The following OCA2 variants were observed in gnomAD, a reference collection of about 807,000 sequenced individuals.
OCA2 encodes the protein P protein.
OCA2 carries 77 observed loss-of-function variants against 100.2 expected under a neutral mutation model. The observed-to-expected ratio is 0.77, with a 90% CI of 0.64 to 0.93. OCA2 has a LOEUF of 0.93. OCA2 is among the 40% of genes least tolerant of loss of function. The probability of loss-of-function intolerance (pLI) is 0.00; values close to 1 mark genes in which losing one functional copy is unlikely to be tolerated. For missense variants in OCA2, 1,062 were observed against 1,089.1 expected, an observed-to-expected ratio of 0.98 and a Z score of 0.35; for synonymous variants, 432 against 439.2, an observed-to-expected ratio of 0.98 and a Z score of 0.21.
At chr15:27,850,832 C>G (rs1274204363) in intron 22 of OCA2, among the ~76,000 whole-genome samples, 3 of 152,114 alleles carry the variant, frequency 2.0e-5, no homozygotes, top group Non-Finnish European at 4.4e-5. Flanking sequence ...AGAAGGACTC[C>G]CCCGCTGTTC....
Position 28,074,834 on chromosome 15 carries a change from G to A in OCA2, c.227+6814C>T, listed in dbSNP as rs563460706. Among the ~76,000 whole-genome samples, 5 of 152,318 alleles carry A rather than the reference G, an allele frequency of 3.3e-5. No individual in the cohort carries two copies. In the South Asian group the frequency reaches 1.0e-3, roughly 32 times the overall value. On this transcript the variant is annotated intron_variant, in intron 2 of 23. Coordinates refer to ENST00000354638, the MANE Select transcript of OCA2 (RefSeq NM_000275.3). ...GGCACTCCAGCTGGGCACAGAGCGA[G>A]ACTCCGTCTCAAAAAAGAATAGAGA...
chr15:27,899,179 A>C (rs75003109), intron 19 of OCA2, among the ~76,000 whole-genome samples: 1 of 152,300 alleles, frequency 6.6e-6, no homozygotes, highest in East Asian at 1.9e-4. Flanking sequence ...AAGAAGAAAA[A>C]CCATATTATT....
At chr15:27,918,256 G>A (rs1368834172) in intron 19 of OCA2, among the ~76,000 whole-genome samples, 1 of 152,032 alleles carries the variant, frequency 6.6e-6, no homozygotes, top group East Asian at 1.9e-4. Flanking sequence ...ATTTTTAGTA[G>A]AGACAGGGTT....
intron 19 of OCA2, among the ~76,000 whole-genome samples, chr15:27,878,028 T>C (rs1161861088): frequency 6.6e-6 from 1 of 151,230 alleles, no homozygotes; most frequent in Non-Finnish European, 1.5e-5. Flanking sequence ...TTTAATTATA[T>C]TTTAGTACTT....
At chr15:27,738,774 C>T in the OCA2 span, among the ~76,000 whole-genome samples, 2 of 151,388 alleles carry the variant, frequency 1.3e-5, no homozygotes, top group Non-Finnish European at 2.9e-5. Context: ...GCTAAAAATC[C>T]GTATTTCCAG....
intron 18 of OCA2, among the ~76,000 whole-genome samples, chr15:27,948,611 G>A (rs1364641548): frequency 3.3e-5 from 5 of 151,942 alleles, no homozygotes; most frequent in Admixed American, 6.6e-5. Context: ...GACTACAGGC[G>A]TGCACCACCA....
At chr15:27,992,926 C>T (rs1322940726) in intron 9 of OCA2, among the ~76,000 whole-genome samples, 2 of 152,122 alleles carry the variant, frequency 1.3e-5, no homozygotes, top group South Asian at 2.1e-4. Context: ...TGTTCAAGAC[C>T]GGCCTGGCCA....
At chr15:27,937,936 A>T (rs903796364) in intron 18 of OCA2, among the ~76,000 whole-genome samples, 1 of 152,216 alleles carries the variant, frequency 6.6e-6, no homozygotes, top group Admixed American at 6.5e-5. Context: ...TTATCAACCT[A>T]ATCTTTTACC....
intron 19 of OCA2, among the ~76,000 whole-genome samples, chr15:27,904,823 C>T (rs1183202974): frequency 6.6e-6 from 1 of 152,172 alleles, no homozygotes; most frequent in Non-Finnish European, 1.5e-5. Context: ...CCTGTGGCCA[C>T]CACAGCACAG....
intron 2 of OCA2, among the ~76,000 whole-genome samples, chr15:28,070,000 C>T (rs1163838064): frequency 1.8e-5 from 2 of 112,858 alleles, no homozygotes; most frequent in Admixed American, 8.0e-5. Flanking sequence ...AAGTGAGGAG[C>T]GTCTCTGCCC....
At chr15:27,752,517 C>A (rs1463009342), downstream of OCA2, among the ~76,000 whole-genome samples, 1 of 152,126 alleles carries the variant, frequency 6.6e-6, no homozygotes, top group Admixed American at 6.5e-5. Flanking sequence ...TGCTGAGGAG[C>A]AAAACAGTAC....
chr15:28,047,210 C>T (rs2043373105), intron 2 of OCA2, among the ~76,000 whole-genome samples: 1 of 152,172 alleles, frequency 6.6e-6, no homozygotes, highest in Non-Finnish European at 1.5e-5. Context: ...AGCCCACAGT[C>T]AAATCACCTG....
At chr15:27,823,462 AAG>A (rs1460821777) in intron 23 of OCA2, among the ~76,000 whole-genome samples, 4 of 152,258 alleles carry the variant, frequency 2.6e-5, no homozygotes, top group Non-Finnish European at 5.9e-5. Flanking sequence ...AATAATAAAT[AAG>A]ATTTTCCCGA....
intron 2 of OCA2, among the ~76,000 whole-genome samples, chr15:28,074,673 CAAAAAAAAAAAAAAA>C (rs1172821817): frequency 1.5e-5 from 1 of 66,950 alleles, no homozygotes; most frequent in Admixed American, 1.7e-4. Flanking sequence ...GACTCCGTCT[CAAAAAAAAAAAAAAA>C]AAAAAAAAAT....
chr15:27,972,927 G>A (rs2040851757), intron 14 of OCA2, among the ~76,000 whole-genome samples: 1 of 150,568 alleles, frequency 6.6e-6, no homozygotes, highest in Non-Finnish European at 1.5e-5. Context: ...GTGCAGTGGT[G>A]CAATCTCGGC....
chr15:27,754,390 A>G (rs1325694258), downstream of OCA2, among the ~76,000 whole-genome samples: 1 of 152,198 alleles, frequency 6.6e-6, no homozygotes, highest in Non-Finnish European at 1.5e-5. Context: ...GACGCTTGAC[A>G]CACAATCACT....
the OCA2 span, among the ~76,000 whole-genome samples, chr15:27,749,817 GA>G: frequency 6.6e-6 from 1 of 152,160 alleles, no homozygotes; most frequent in Admixed American, 6.5e-5. Context: ...GTAAGATGTT[GA>G]TGAAAGAAAC....
intron 23 of OCA2, among the ~76,000 whole-genome samples, chr15:27,794,338 C>G (rs988259028): frequency 5.3e-5 from 8 of 152,106 alleles, no homozygotes; most frequent in African/African-American, 1.9e-4. Context: ...TGGAAGAGTG[C>G]GCTCAGGAGG....
chr15:28,030,826 T>C (rs2042887660), intron 3 of OCA2, among the ~76,000 whole-genome samples: 3 of 152,240 alleles, frequency 2.0e-5, no homozygotes, highest in Admixed American at 2.0e-4. Flanking sequence ...TAAATTATTT[T>C]GAGTCTTAAA....
Sources: allele counts gnomAD v4.1 joint callset (sites outside exome capture counted in the v4.1 genomes callset), GRCh38; gene constraint gnomAD v4.1.1; transcripts MANE v1.5; gene names NCBI Gene and HGNC (gene_info 2026-07-23, HGNC 2026-07-21).